The following SEPTIN9 variants were observed in gnomAD, a reference collection of about 807,000 sequenced individuals.
SEPTIN9 encodes the protein septin-9.
Under a neutral mutation model 56.6 loss-of-function variants are expected in SEPTIN9, and 13 were observed. The ratio of observed to expected loss-of-function variants is 0.23; its 90% confidence interval spans 0.15 to 0.37. The LOEUF is 0.37. Among genes scored for constraint, SEPTIN9 ranks in the 10% least tolerant of loss-of-function variants. The pLI is 1.00. For synonymous variants in SEPTIN9, 332 were observed against 334.1 expected (o/e 0.99, Z 0.07); for missense variants, 650 against 823.1 (o/e 0.79, Z 2.57).
intron 2 of SEPTIN9, among the ~76,000 whole-genome samples, chr17:77,370,091 T>C (rs1227374404): frequency 2.0e-5 from 3 of 152,362 alleles, no homozygotes; most frequent in African/African-American, 7.2e-5. Flanking sequence ...GTATGAAGCT[T>C]TGACCTCAAG....
chr17:77,360,023 G>C (rs1210165824), intron 2 of SEPTIN9, among the ~76,000 whole-genome samples: 1 of 151,990 alleles, frequency 6.6e-6, no homozygotes, highest in Non-Finnish European at 1.5e-5. Context: ...TGGGCATGGT[G>C]GTGGGCACCT....
chr17:77,349,871 C>T (rs1427453111), intron 2 of SEPTIN9, among the ~76,000 whole-genome samples: 3 of 152,224 alleles, frequency 2.0e-5, no homozygotes, highest in Non-Finnish European at 4.4e-5. Context: ...CTGATGGGCT[C>T]ACAAAGCTCC....
At chr17:77,396,609 G>A (rs2144067123) in intron 2 of SEPTIN9, among the ~76,000 whole-genome samples, 1 of 152,252 alleles carries the variant, frequency 6.6e-6, no homozygotes, top group Non-Finnish European at 1.5e-5. Flanking sequence ...GCGACCGTGT[G>A]TGACTGCAGG....
At position 77,329,726 on chromosome 17, in the gene SEPTIN9, C is replaced by T. The variant is rs981777487; in HGVS notation, c.76+22529C>T. ...CTGGTGCCTGAGGACTGCTGTCCAC[C>T]GTCCCACCATCCTTCAGGTTTCTTC... On this transcript the variant is annotated intron_variant, in intron 2 of 11. Transcript: ENST00000427177. The surrounding 1 kb of genome is among the most constrained non-coding windows in gnomAD (Gnocchi z 4.3). Among the ~76,000 whole-genome samples the T allele has an allele frequency of 6.6e-6, 1 of 152,184 alleles. No homozygotes were observed. The highest frequency in any genetic ancestry group is 1.9e-4 in the East Asian group (1 of 5,194).
intron 2 of SEPTIN9, among the ~76,000 whole-genome samples, chr17:77,341,122 T>A (rs1407837110): frequency 2.6e-5 from 4 of 152,204 alleles, no homozygotes; most frequent in African/African-American, 9.7e-5. Flanking sequence ...TTTCAATAAC[T>A]TTTTCTTGGC....
rs2037937679 is a variant in SEPTIN9, at chr17:77,450,856, G to C, written c.722-31288G>C. ...TCCCTTCCATGGTCCCAGCCAGCAA[G>C]CACCTGGGGTAGAGGGGACAAACCC... On this transcript the variant is annotated intron_variant, in intron 3 of 11. Coordinates refer to ENST00000427177, the MANE Select transcript of SEPTIN9 (RefSeq NM_001113491.2). The surrounding 1 kb of genome is among the most constrained non-coding windows in gnomAD (Gnocchi z 6.0). The C allele has an allele frequency of 1.0e-6, 1 of 968,840 alleles. No homozygotes were observed. The highest frequency in any genetic ancestry group is 1.1e-4 in the East Asian group (1 of 8,706). The allele number at this position is 968,840 out of a possible 1,614,324, so 60.0% of individuals were successfully genotyped here. A position where few individuals can be genotyped will look rare whatever the true frequency, so the allele number is the denominator to read the frequency against.
chr17:77,411,574 G>A (rs1253535821), intron 3 of SEPTIN9, among the ~76,000 whole-genome samples: 1 of 151,698 alleles, frequency 6.6e-6, no homozygotes, highest in Non-Finnish European at 1.5e-5. Flanking sequence ...GCTAATTTTT[G>A]TATTTTTAGT....
Position 77,475,443 on chromosome 17 carries a change from G to A in SEPTIN9, c.722-6701G>A. 3 of 1,526,764 alleles carry A rather than the reference G, an allele frequency of 2.0e-6. No homozygotes were observed. In the African/African-American group the frequency reaches 4.1e-5, roughly 21 times the overall value. The allele number at this position is 1,526,764 out of a possible 1,614,324, so 94.6% of individuals were successfully genotyped here. On this transcript the variant is annotated intron_variant, in intron 3 of 11. Coordinates refer to ENST00000427177, the MANE Select transcript of SEPTIN9 (RefSeq NM_001113491.2). This position sits in a 1 kb window ranked among gnomAD's most constrained non-coding sequence, Gnocchi z 4.6. ...TCCTCCTAGCATTGCCTGCATCAGG[G>A]ACTCACTCAGCTTTAAGAAGCCCCT... is the stretch of plus-strand genomic sequence containing the variant.
At position 77,371,268 on chromosome 17, in the gene SEPTIN9, C is replaced by T. The variant is rs756318169; in HGVS notation, c.77-30791C>T. Among the ~76,000 whole-genome samples, 1 of 152,242 alleles carries T rather than the reference C, an allele frequency of 6.6e-6. No individual in the cohort carries two copies. The highest frequency in any genetic ancestry group is 1.5e-5 in the Non-Finnish European group (1 of 68,042). ...CGAAGGCATGCGCACTTTCTGGCTGCTCTCCTGCCATTGTCCCTTGGGTTC... is the reference window on the plus strand; with the variant it reads ...CGAAGGCATGCGCACTTTCTGGCTGTTCTCCTGCCATTGTCCCTTGGGTTC... On this transcript the variant is annotated intron_variant, in intron 2 of 11. Transcript: ENST00000427177. The surrounding 1 kb of genome is among the most constrained non-coding windows in gnomAD (Gnocchi z 4.1).
chr17:77,484,901 G>C (rs1340829653), intron 4 of SEPTIN9, among the ~76,000 whole-genome samples: 22 of 90,544 alleles, frequency 2.4e-4, no homozygotes, highest in Admixed American at 6.7e-4. Context: ...GGTGGTGGTG[G>C]TGATGGTGAT....
rs190541658 is a variant in SEPTIN9, at chr17:77,310,716, G to A, written c.76+3519G>A. 3.9e-5 allele frequency among the ~76,000 whole-genome samples: 6 copies of A among 152,226 alleles called. No homozygotes were observed. Among genetic ancestry groups the A allele is most frequent in the Middle Eastern group, 3.4e-3 (1 of 294 alleles). ...CTCATTTTCTGTGCCTCAGGCAGCC[G>A]CCTCTCTGACTGAGCGTCCAGCGGA... On this transcript the variant is annotated intron_variant, in intron 2 of 11. Transcript: ENST00000427177. The surrounding 1 kb of genome is among the most constrained non-coding windows in gnomAD (Gnocchi z 4.7).
chr17:77,358,862 A>T (rs1459903120), intron 2 of SEPTIN9, among the ~76,000 whole-genome samples: 4 of 152,138 alleles, frequency 2.6e-5, no homozygotes, highest in African/African-American at 9.7e-5. Flanking sequence ...CTGGCTGTGT[A>T]ACAAAAGCTA....
intron 2 of SEPTIN9, among the ~76,000 whole-genome samples, chr17:77,392,812 A>T (rs1341104794): frequency 6.6e-6 from 1 of 151,884 alleles, no homozygotes; most frequent in Non-Finnish European, 1.5e-5. Context: ...GTCCCTAAAC[A>T]AATGTGGCTC....
chr17:77,351,175 T>C (rs1365469016), intron 2 of SEPTIN9, among the ~76,000 whole-genome samples: 1 of 151,558 alleles, frequency 6.6e-6, no homozygotes, highest in Non-Finnish European at 1.5e-5. Flanking sequence ...CTCTCCACCC[T>C]TCCCAAGGCT....
intron 3 of SEPTIN9, among the ~76,000 whole-genome samples, chr17:77,414,134 A>C (rs944725810): frequency 1.3e-5 from 2 of 152,006 alleles, no homozygotes; most frequent in African/African-American, 4.8e-5. Flanking sequence ...GCTGGAGTGC[A>C]GTGGCGCCAT....
At chr17:77,486,626 TGTG>T (rs888028557) in intron 4 of SEPTIN9, among the ~76,000 whole-genome samples, 3 of 151,744 alleles carry the variant, frequency 2.0e-5, no homozygotes, top group Non-Finnish European at 2.9e-5. Context: ...GTGTGTGTGT[TGTG>T]AGTTGTGCAT....
At chr17:77,359,423 C>A (rs960010811) in intron 2 of SEPTIN9, among the ~76,000 whole-genome samples, 1 of 152,216 alleles carries the variant, frequency 6.6e-6, no homozygotes, top group Non-Finnish European at 1.5e-5. Flanking sequence ...AAAACGTCTT[C>A]CAATCAGGAG....
intron 2 of SEPTIN9, among the ~76,000 whole-genome samples, chr17:77,384,740 A>G (rs1401440246): frequency 1.3e-5 from 2 of 152,052 alleles, no homozygotes; most frequent in African/African-American, 2.4e-5. Flanking sequence ...CATCAGAACT[A>G]CAGAGGAATC....
At chr17:77,299,315 G>A (rs1037064002) in intron 1 of SEPTIN9, among the ~76,000 whole-genome samples, 1 of 152,188 alleles carries the variant, frequency 6.6e-6, no homozygotes, top group African/African-American at 2.4e-5. Context: ...TATCTCCCCC[G>A]ACAATGAATT....
Sources: allele counts gnomAD v4.1 joint callset (sites outside exome capture counted in the v4.1 genomes callset), GRCh38; gene constraint gnomAD v4.1.1; non-coding constraint Gnocchi (gnomAD v3.1); transcripts MANE v1.5; gene names NCBI Gene and HGNC (gene_info 2026-07-23, HGNC 2026-07-21).